Variants in EYS observed in about 807,000 individuals in gnomAD.
EYS encodes protein eyes shut homolog.
Under a neutral mutation model 282.1 loss-of-function variants are expected in EYS, and 250 were observed. The observed-to-expected ratio is 0.89, with a 90% CI of 0.80 to 0.98. The LOEUF is 0.98. Among genes scored for constraint, EYS ranks in the 50% least tolerant of loss-of-function variants. EYS has a pLI of 0.00. For missense variants in EYS, 4,016 were observed against 3,709.0 expected (o/e 1.08, Z -2.15); for synonymous variants, 1,355 against 1,282.9 (o/e 1.06, Z -1.20).
chr6:64,021,963 A>G (rs951714348), intron 33 of EYS, among the ~76,000 whole-genome samples: 1 of 152,230 alleles, frequency 6.6e-6, no homozygotes, highest in Non-Finnish European at 1.5e-5. Flanking sequence ...TTAAGATAGC[A>G]AAGTATTTCA....
At chr6:64,616,868 A>AG (rs144282319) in intron 24 of EYS, among the ~76,000 whole-genome samples, 26 of 152,110 alleles carry the variant, frequency 1.7e-4, no homozygotes, top group Non-Finnish European at 3.4e-4. Context: ...TTTTTTCACT[A>AG]TATTCATGGG....
chr6:64,491,768 T>C lies in EYS; in HGVS notation c.5645-52416A>G, dbSNP rs556941346. The stretch of plus-strand genomic sequence containing the variant: ...CAGAGCTTATACCCTTAAACTCTTA[T>C]AAGCTATGTTATAAAGGTGACTTTG... On this transcript the variant is annotated intron_variant, in intron 26 of 42. Transcript: ENST00000503581. 5.3e-5 allele frequency among the ~76,000 whole-genome samples: 8 copies of C among 151,252 alleles called. No homozygotes were observed. The East Asian group carries it at 1.6e-3, about 29-fold the overall frequency.
chr6:64,277,803 C>T (rs1768166077), intron 30 of EYS, among the ~76,000 whole-genome samples: 1 of 152,044 alleles, frequency 6.6e-6, no homozygotes, highest in Non-Finnish European at 1.5e-5. Context: ...AATTCTAATG[C>T]AATCCTAGGC....
At chr6:65,285,809 T>C in intron 12 of EYS, among the ~76,000 whole-genome samples, 1 of 151,922 alleles carries the variant, frequency 6.6e-6, no homozygotes, top group Non-Finnish European at 1.5e-5. Flanking sequence ...AGAAAGAGAA[T>C]GGAATTTGAC....
chr6:63,764,398 A>G (rs1467113942), intron 40 of EYS, among the ~76,000 whole-genome samples: 1 of 152,086 alleles, frequency 6.6e-6, no homozygotes, highest in East Asian at 1.9e-4. Context: ...TATAGAATGT[A>G]CAAAGACCTC....
At chr6:63,847,851 G>C (rs1772139673) in intron 36 of EYS, among the ~76,000 whole-genome samples, 1 of 152,144 alleles carries the variant, frequency 6.6e-6, no homozygotes, top group South Asian at 2.1e-4. Context: ...AAATGATTTT[G>C]TGGCTCTTTG....
chr6:63,902,791 C>T (rs1038104404), intron 35 of EYS, among the ~76,000 whole-genome samples: 7 of 151,888 alleles, frequency 4.6e-5, no homozygotes, highest in Admixed American at 2.6e-4. Flanking sequence ...TAGAATAAGG[C>T]ATAAAAATGG....
At chr6:65,290,366 A>G (rs1768490329) in intron 12 of EYS, among the ~76,000 whole-genome samples, 2 of 151,196 alleles carry the variant, frequency 1.3e-5, no homozygotes, top group Admixed American at 1.3e-4. Context: ...GAGAAAATAC[A>G]AAAGATGAAA....
chr6:64,741,155 G>A (rs964874752), intron 22 of EYS, among the ~76,000 whole-genome samples: 2 of 152,136 alleles, frequency 1.3e-5, no homozygotes, highest in African/African-American at 2.4e-5. Context: ...ATACTTGAAA[G>A]TCAAAATTAC....
At chr6:64,286,838 T>A (rs1312229751) in intron 30 of EYS, among the ~76,000 whole-genome samples, 1 of 152,188 alleles carries the variant, frequency 6.6e-6, no homozygotes, top group Non-Finnish European at 1.5e-5. Flanking sequence ...TTTGATTAAA[T>A]CAAGCAAACT....
At chr6:64,040,056 A>G (rs1373627142) in intron 33 of EYS, among the ~76,000 whole-genome samples, 1 of 152,156 alleles carries the variant, frequency 6.6e-6, no homozygotes, top group Admixed American at 6.5e-5. Context: ...TGCAAAGTTA[A>G]TTTTTCTTAA....
At chr6:63,929,880 A>T (rs1369805331) in intron 35 of EYS, among the ~76,000 whole-genome samples, 2 of 152,214 alleles carry the variant, frequency 1.3e-5, no homozygotes, top group Non-Finnish European at 2.9e-5. Flanking sequence ...AGTTTAGTTC[A>T]TTTAAACTAC....
intron 24 of EYS, among the ~76,000 whole-genome samples, chr6:64,596,371 T>A (rs757916729): frequency 2.2e-4 from 33 of 152,150 alleles, no homozygotes; most frequent in Admixed American, 5.9e-4. Flanking sequence ...CAATTCTGAA[T>A]TTATATGGAA....
chr6:65,169,533 G>T (rs972670865), intron 12 of EYS, among the ~76,000 whole-genome samples: 1 of 151,478 alleles, frequency 6.6e-6, no homozygotes, highest in East Asian at 2.0e-4. Context: ...CCATTTTCCA[G>T]ATAAAGCCAA....
At chr6:64,047,431 A>G (rs1313269589) in intron 33 of EYS, among the ~76,000 whole-genome samples, 1 of 152,176 alleles carries the variant, frequency 6.6e-6, no homozygotes, top group Non-Finnish European at 1.5e-5. Flanking sequence ...AACAGGCTCA[A>G]ATTTTCAAGT....
intron 35 of EYS, among the ~76,000 whole-genome samples, chr6:63,952,993 A>C (rs1765664443): frequency 6.6e-6 from 1 of 152,240 alleles, no homozygotes; most frequent in African/African-American, 2.4e-5. Context: ...AAACTGGACA[A>C]GTCTTACAGG....
intron 13 of EYS, among the ~76,000 whole-genome samples, chr6:65,036,925 G>C (rs1561933891): frequency 6.6e-6 from 1 of 151,940 alleles, no homozygotes; most frequent in Non-Finnish European, 1.5e-5. Flanking sequence ...ACTTAAAACA[G>C]AATTATCATT....
chr6:65,069,289 T>G (rs573816716), intron 12 of EYS, among the ~76,000 whole-genome samples: 1 of 152,110 alleles, frequency 6.6e-6, no homozygotes, highest in South Asian at 2.1e-4. Flanking sequence ...TACATCATCC[T>G]CATTCTTTCT....
At chr6:65,171,802 A>C (rs916072102) in intron 12 of EYS, among the ~76,000 whole-genome samples, 2 of 151,546 alleles carry the variant, frequency 1.3e-5, no homozygotes, top group Non-Finnish European at 3.0e-5. Context: ...TGACACTGTA[A>C]TTCTATACAT....
Sources: allele counts gnomAD v4.1 joint callset (sites outside exome capture counted in the v4.1 genomes callset), GRCh38; gene constraint gnomAD v4.1.1; transcripts MANE v1.5; gene names NCBI Gene and HGNC (gene_info 2026-07-23, HGNC 2026-07-21).